The following CBFB variants were observed in gnomAD, a reference collection of about 807,000 sequenced individuals.
The protein encoded by CBFB is CBF-beta.
A neutral mutation model predicts 30.4 loss-of-function variants in CBFB; 9 were observed. The observed-to-expected ratio is 0.30, with a 90% CI of 0.18 to 0.52. CBFB has a LOEUF of 0.52. Among genes scored for constraint, CBFB ranks in the 20% least tolerant of loss-of-function variants. The pLI is 0.97. For missense variants in CBFB, 170 were observed against 244.0 expected, an observed-to-expected ratio of 0.70 and a Z score of 2.02; for synonymous variants, 94 against 84.0, an observed-to-expected ratio of 1.12 and a Z score of -0.65.
In CBFB at chr16:67,087,782, C is replaced by T. The variant is rs62057945; in HGVS notation, c.495+5474C>T. Among the ~76,000 whole-genome samples, 6 of 152,208 alleles carry T rather than the reference C, an allele frequency of 3.9e-5. No individual in the cohort carries two copies. In the South Asian group the frequency reaches 6.2e-4, roughly 16 times the overall value. On this transcript the variant is annotated intron_variant, in intron 5 of 5. Coordinates refer to ENST00000412916, the MANE Select transcript of CBFB (RefSeq NM_022845.3). ...TCAGGCCTAGTTGAGATTCCTGCTC[C>T]GTCACTTGCCTCAAGAGCCCTAATT... is the stretch of plus-strand genomic sequence containing the variant.
intron 3 of CBFB, among the ~76,000 whole-genome samples, chr16:67,050,152 A>G (rs1276756086): frequency 1.3e-5 from 2 of 148,436 alleles, no homozygotes; most frequent in East Asian, 3.9e-4. Context: ...TGATATATAT[A>G]TATCATAAAT....
chr16:67,065,614 AT>A (rs1318963146), intron 3 of CBFB, among the ~76,000 whole-genome samples: 1 of 151,852 alleles, frequency 6.6e-6, no homozygotes, highest in Non-Finnish European at 1.5e-5. Flanking sequence ...CTGGCCTCAA[AT>A]GATCCTCACA....
chr16:67,050,189 TATATA>T (rs1009819479), intron 3 of CBFB, among the ~76,000 whole-genome samples: 17 of 148,024 alleles, frequency 1.1e-4, no homozygotes, highest in South Asian at 4.2e-4. Flanking sequence ...ATATGTGATA[TATATA>T]ATATATGTTA....
intron 2 of CBFB, among the ~76,000 whole-genome samples, chr16:67,033,638 G>A (rs2145708669): frequency 6.8e-6 from 1 of 148,118 alleles, no homozygotes; most frequent in South Asian, 2.1e-4. Flanking sequence ...TTGAGACGGA[G>A]TCTTGCTCTG....
At chr16:67,038,301 C>A (rs1007843445) in intron 3 of CBFB, among the ~76,000 whole-genome samples, 1 of 149,810 alleles carries the variant, frequency 6.7e-6, no homozygotes, top group African/African-American at 2.5e-5. Context: ...TATATATACA[C>A]GTATATATGT....
At chr16:67,051,859 C>T (rs145338666) in intron 3 of CBFB, among the ~76,000 whole-genome samples, 2,988 of 150,688 alleles carry the variant, frequency 0.02, 98 homozygotes, top group African/African-American at 0.069. Context: ...AAGCTATTCT[C>T]CTGCCTCAGC....
intron 3 of CBFB, among the ~76,000 whole-genome samples, chr16:67,061,370 G>A (rs913268081): frequency 1.3e-5 from 2 of 152,106 alleles, no homozygotes; most frequent in Non-Finnish European, 2.9e-5. Flanking sequence ...ATTGTTCTAG[G>A]ACAATGGGTT....
intron 5 of CBFB, among the ~76,000 whole-genome samples, chr16:67,089,062 A>AT (rs1961809553): frequency 6.6e-6 from 1 of 151,890 alleles, no homozygotes; most frequent in Non-Finnish European, 1.5e-5. Flanking sequence ...TCTTTTTCTC[A>AT]TTTTTCTGGA....
At chr16:67,067,357 A>C (rs543390279) in intron 4 of CBFB, among the ~76,000 whole-genome samples, 1 of 152,258 alleles carries the variant, frequency 6.6e-6, no homozygotes, top group South Asian at 2.1e-4. Flanking sequence ...ATCTCTGCTA[A>C]AAATATAAAA....
intron 3 of CBFB, among the ~76,000 whole-genome samples, chr16:67,053,233 A>G (rs1960611271): frequency 6.7e-6 from 1 of 150,008 alleles, no homozygotes; most frequent in Non-Finnish European, 1.5e-5. Flanking sequence ...AACGGACTCT[A>G]ATGTCACTTT....
intron 4 of CBFB, among the ~76,000 whole-genome samples, chr16:67,080,781 A>G (rs929968660): frequency 6.6e-6 from 1 of 152,128 alleles, no homozygotes; most frequent in Admixed American, 6.5e-5. Flanking sequence ...TTTTCCCCAA[A>G]TGATAGAAGT....
At chr16:67,034,139 A>C (rs911042104) in intron 2 of CBFB, among the ~76,000 whole-genome samples, 9 of 152,146 alleles carry the variant, frequency 5.9e-5, no homozygotes, top group Non-Finnish European at 1.5e-5. Context: ...ATTCTTACCA[A>C]TTCTTATGTA....
At chr16:67,036,778 T>G in intron 3 of CBFB, 23 bp downstream of exon 3, 1 of 1,303,442 alleles carries the variant, frequency 7.7e-7, no homozygotes, top group Non-Finnish European at 1.1e-6. Context: ...TCTTTGCAAT[T>G]TAAAATACTG....
rs1239237824 is a variant in CBFB at position 67,036,102 on chromosome 16, TAGAG to T, written c.166-534_166-531del. 5.9e-5 allele frequency among the ~76,000 whole-genome samples: 9 copies of T among 152,330 alleles called. No homozygotes were observed. In the East Asian group the frequency reaches 1.7e-3, roughly 29 times the overall value. On this transcript the variant is annotated intron_variant, in intron 2 of 5. Transcript: ENST00000412916. ...TATTTTTAAAAATCATCTAGGGTTT[TAGAG>T]AGTACTGTCACATCCCATGCCAATG...
At chr16:67,066,007 A>G (rs1027027122) in intron 3 of CBFB, among the ~76,000 whole-genome samples, 1 of 152,224 alleles carries the variant, frequency 6.6e-6, no homozygotes, top group South Asian at 2.1e-4. Flanking sequence ...TATAATAGTA[A>G]ATATTATACC....
chr16:67,065,281 A>T (rs1471092975), intron 3 of CBFB, among the ~76,000 whole-genome samples: 1 of 152,222 alleles, frequency 6.6e-6, no homozygotes, highest in Non-Finnish European at 1.5e-5. Context: ...AGATCTTTTT[A>T]AAATTTATTG....
chr16:67,076,513 G>A (rs1438071862), intron 4 of CBFB, among the ~76,000 whole-genome samples: 1 of 151,996 alleles, frequency 6.6e-6, no homozygotes, highest in Non-Finnish European at 1.5e-5. Flanking sequence ...TAAAAAAGAG[G>A]CAAAATTAAG....
At chr16:67,086,444 T>A (rs113274619) in intron 5 of CBFB, among the ~76,000 whole-genome samples, 2 of 152,240 alleles carry the variant, frequency 1.3e-5, no homozygotes, top group Non-Finnish European at 1.5e-5. Flanking sequence ...GAAACAATTA[T>A]AAACATTTGT....
At position 67,029,263 on chromosome 16, in the gene CBFB, G is replaced by GCCCA. The variant is rs1966284707; in HGVS notation, c.-143_-140dup. Reference sequence around the variant, plus strand: ...GCGCCTCAGACTCCCCGGAACGGGAGCCCACGCGGGCGGGCGCCTGAAACA... The same window carrying GCCCA: ...GCGCCTCAGACTCCCCGGAACGGGAGCCCACCCACGCGGGCGGGCGCCTGAAACA... On this transcript the variant is annotated 5_prime_UTR_variant, in exon 1 of 6. Coordinates refer to ENST00000412916, the MANE Select transcript of CBFB (RefSeq NM_022845.3). 2.3e-6 allele frequency: 1 copy of GCCCA among 443,268 alleles called. No homozygotes were observed. Among genetic ancestry groups the GCCCA allele is most frequent in the Non-Finnish European group, 3.6e-6 (1 of 274,704 alleles). The allele number at this position is 443,268 out of a possible 1,614,324, so 27.5% of individuals were successfully genotyped here. A position where few individuals can be genotyped will look rare whatever the true frequency, so the allele number is the denominator to read the frequency against.
Sources: allele counts gnomAD v4.1 joint callset (sites outside exome capture counted in the v4.1 genomes callset), GRCh38; gene constraint gnomAD v4.1.1; transcripts MANE v1.5; gene names NCBI Gene and HGNC (gene_info 2026-07-23, HGNC 2026-07-21).